LRRFIP1: variants seen among roughly 807,000 people sequenced by gnomAD.
The protein encoded by LRRFIP1 is leucine-rich repeat flightless-interacting protein 1.
In LRRFIP1, 62 loss-of-function variants were observed where a neutral mutation model predicts 104.4. That is an observed-to-expected ratio of 0.59 (90% confidence interval 0.48 to 0.73). The LOEUF is 0.73. Among genes scored for constraint, LRRFIP1 ranks in the 30% least tolerant of loss-of-function variants. The pLI is 0.00. For synonymous variants in LRRFIP1, 300 were observed against 299.0 expected, an observed-to-expected ratio of 1.00 and a Z score of -0.03; for missense variants, 796 against 824.5, an observed-to-expected ratio of 0.97 and a Z score of 0.42.
At chr2:237,767,806 A>G (rs3806505) in intron 19 of LRRFIP1, among the ~76,000 whole-genome samples, 7,359 of 152,250 alleles carry the variant, frequency 0.048, 214 homozygotes, top group Middle Eastern at 0.14. Context: ...ACCCGTGGCC[A>G]CCAGCCAAGG....
intron 13 of LRRFIP1, among the ~76,000 whole-genome samples, 191 bp downstream of exon 13, chr2:237,749,515 T>G (rs1307332950): frequency 2.0e-5 from 3 of 152,202 alleles, no homozygotes; most frequent in African/African-American, 7.2e-5. Context: ...TGCAGGAATC[T>G]GATCCTACCC....
chr2:237,757,826 G>A (rs572035357), intron 17 of LRRFIP1, among the ~76,000 whole-genome samples: 1 of 152,158 alleles, frequency 6.6e-6, no homozygotes, highest in African/African-American at 2.4e-5. Flanking sequence ...CCGGGCCGGT[G>A]GTTGTTGAAA....
chr2:237,713,775 G>C (rs932923441), intron 2 of LRRFIP1, among the ~76,000 whole-genome samples: 1 of 152,174 alleles, frequency 6.6e-6, no homozygotes, highest in African/African-American at 2.4e-5. Flanking sequence ...ATATTCTAAT[G>C]ATCACTCCAT....
At chr2:237,664,757 G>A (rs535275374) in intron 1 of LRRFIP1, among the ~76,000 whole-genome samples, 1 of 152,262 alleles carries the variant, frequency 6.6e-6, no homozygotes, top group South Asian at 2.1e-4. Context: ...TATAAAGAAC[G>A]TTGCGATGAA....
intron 11 of LRRFIP1, among the ~76,000 whole-genome samples, chr2:237,747,326 G>A (rs1266651645): frequency 6.6e-6 from 1 of 152,218 alleles, no homozygotes; most frequent in African/African-American, 2.4e-5. Context: ...CAGGAGGGAA[G>A]GTGGCAGTTA....
At chr2:237,732,339 C>T (rs1437126315) in intron 8 of LRRFIP1, among the ~76,000 whole-genome samples, 1 of 152,224 alleles carries the variant, frequency 6.6e-6, no homozygotes, top group African/African-American at 2.4e-5. Context: ...CAGGGACTCT[C>T]CGGCTCCAGC....
intron 5 of LRRFIP1, 62 bp from the exon 6 acceptor site, chr2:237,720,710 A>G (rs2094507071): frequency 6.8e-7 from 1 of 1,467,138 alleles, no homozygotes; most frequent in Non-Finnish European, 9.6e-7. Flanking sequence ...AAACTTGGGC[A>G]CTGGTTCTTC....
At chr2:237,719,340 G>GA (rs540481411) in intron 4 of LRRFIP1, among the ~76,000 whole-genome samples, 183 bp from the exon 5 acceptor site, 34 of 152,124 alleles carry the variant, frequency 2.2e-4, no homozygotes, top group Middle Eastern at 3.4e-3. Flanking sequence ...TCCCACCCCA[G>GA]AAAAAAACAT....
rs2061408721 is a variant in LRRFIP1, at chr2:237,780,453, A to AT, written c.*921_*922insT. Reference sequence around the variant, plus strand: ...TTTTTCTTTCCCTATTTAAAAAAAAAGGTGTTTTCACAGAATGAGTGCACT... The same window carrying AT: ...TTTTTCTTTCCCTATTTAAAAAAAAATGGTGTTTTCACAGAATGAGTGCACT... On this transcript the variant is annotated 3_prime_UTR_variant, in exon 24 of 24. Transcript: ENST00000308482. 1 of 152,130 alleles carries AT rather than the reference A, an allele frequency of 6.6e-6. No homozygotes were observed. The highest frequency in any genetic ancestry group is 1.5e-5 in the Non-Finnish European group (1 of 68,020). 9.4% of individuals were successfully genotyped at this position (152,130 alleles called of 1,614,324 possible).
rs182469352 is a variant in LRRFIP1, at chr2:237,740,299, G to A, written c.633+990G>A. Among the ~76,000 whole-genome samples, 409 of 151,696 alleles carry A rather than the reference G, an allele frequency of 2.7e-3. 2 individuals carry two copies. The highest frequency in any genetic ancestry group is 8.6e-3 in the African/African-American group (356 of 41,326). ...GGTGTGGAGGCACGCATCTGTAGTC[G>A]CAGCTACTCAGGAGGTTGAGGTGGG... On this transcript the variant is annotated intron_variant, in intron 11 of 23. Transcript: ENST00000308482.
At chr2:237,666,690 A>T (rs575648252) in intron 1 of LRRFIP1, among the ~76,000 whole-genome samples, 15 of 151,688 alleles carry the variant, frequency 9.9e-5, no homozygotes, top group African/African-American at 3.6e-4. Flanking sequence ...GTGAAGAGAC[A>T]TGTCCTTGAC....
At chr2:237,740,964 T>C (rs1311051528) in intron 11 of LRRFIP1, among the ~76,000 whole-genome samples, 1 of 152,160 alleles carries the variant, frequency 6.6e-6, no homozygotes, top group East Asian at 1.9e-4. Context: ...CGCCAGCGCC[T>C]CTTTCTCTGG....
intron 1 of LRRFIP1, among the ~76,000 whole-genome samples, chr2:237,675,275 A>G (rs2149584155): frequency 6.6e-6 from 1 of 152,316 alleles, no homozygotes; most frequent in East Asian, 1.9e-4. Flanking sequence ...ACACCTGTTT[A>G]GGGGCTGCCT....
At chr2:237,629,496 C>T (rs576689848) in intron 1 of LRRFIP1, among the ~76,000 whole-genome samples, 22 of 127,460 alleles carry the variant, frequency 1.7e-4, no homozygotes, top group South Asian at 1.3e-3. Context: ...TTTTTTAACA[C>T]AGTCTCACTC....
chr2:237,631,955 G>A (rs992117696), intron 1 of LRRFIP1, among the ~76,000 whole-genome samples: 1 of 152,222 alleles, frequency 6.6e-6, no homozygotes, highest in East Asian at 1.9e-4. Context: ...GCCCCTCTGT[G>A]GCCTGCGGCC....
intron 20 of LRRFIP1, chr2:237,771,864 G>T: frequency 1.9e-6 from 1 of 534,948 alleles, no homozygotes. Context: ...AGTCCTAGAA[G>T]AATTTCACTT....
intron 1 of LRRFIP1, among the ~76,000 whole-genome samples, chr2:237,682,818 T>C (rs1309438843): frequency 6.6e-6 from 1 of 152,232 alleles, no homozygotes; most frequent in Non-Finnish European, 1.5e-5. Context: ...TTAGATGCCG[T>C]GTGCACATAT....
intron 1 of LRRFIP1, among the ~76,000 whole-genome samples, chr2:237,696,348 C>T (rs1039348933): frequency 6.6e-6 from 1 of 152,126 alleles, no homozygotes; most frequent in Admixed American, 6.5e-5. Context: ...ACCTCTGTCC[C>T]CCTCCTCTGA....
chr2:237,642,063 C>T (rs556788872), intron 1 of LRRFIP1, among the ~76,000 whole-genome samples: 4 of 152,238 alleles, frequency 2.6e-5, no homozygotes, highest in Admixed American at 1.3e-4. Context: ...TTGGGTGCTG[C>T]GGCCAGGCGA....
Sources: allele counts gnomAD v4.1 joint callset (sites outside exome capture counted in the v4.1 genomes callset), GRCh38; gene constraint gnomAD v4.1.1; transcripts MANE v1.5; gene names NCBI Gene and HGNC (gene_info 2026-07-23, HGNC 2026-07-21).